The following FSTL1 variants were observed in gnomAD, a reference collection of about 807,000 sequenced individuals.
FSTL1 encodes follistatin-related protein 1.
A neutral mutation model predicts 45.9 loss-of-function variants in FSTL1; 24 were observed. The observed-to-expected ratio is 0.52, with a 90% CI of 0.38 to 0.74. The LOEUF (loss-of-function observed/expected upper bound fraction) is 0.74. Ranked by LOEUF, FSTL1 falls within the 30% of genes least tolerant of loss-of-function variation. The probability of loss-of-function intolerance (pLI) is 0.00; values close to 1 mark genes in which losing one functional copy is unlikely to be tolerated. For missense variants in FSTL1, 340 were observed against 381.8 expected (o/e 0.89, Z 0.91); for synonymous variants, 120 against 137.6 (o/e 0.87, Z 0.89).
chr3:120,403,467 TG>T, intron 7 of FSTL1, 113 bp from the exon 8 acceptor site: 2 of 656,300 alleles, frequency 3.0e-6, no homozygotes, highest in Non-Finnish European at 5.4e-6. Flanking sequence ...GCCAAGAAGA[TG>T]ACTGCTAACT....
At chr3:120,403,214 A>T in intron 8 of FSTL1, 28 bp downstream of exon 8, 1 of 1,228,692 alleles carries the variant, frequency 8.1e-7, no homozygotes, top group Non-Finnish European at 1.2e-6. Flanking sequence ...CATTCACTAC[A>T]GCTCTCTATT....
At chr3:120,450,084 C>CAG (rs1454733008) in intron 2 of FSTL1, among the ~76,000 whole-genome samples, 11 of 152,066 alleles carry the variant, frequency 7.2e-5, no homozygotes, top group Non-Finnish European at 1.5e-4. Flanking sequence ...CCCCAAAGAG[C>CAG]AGAGCAATGG....
chr3:120,411,944 C>T lies in FSTL1; in HGVS notation c.208G>A (p.Gly70Ser). ...PHKRPVCGSN[G>S]KTYLNHCELH... ...TCACAGTGGTTGAGGTAGGTCTTGC[C>T]ATTACTGCCACACACAGGCCTCTTG... is the stretch of plus-strand genomic sequence containing the variant. The change falls in exon 4 of 11, where the codon GGC (glycine) becomes AGC (serine). Residue 70 changes from glycine to serine, a missense_variant. By Grantham distance (56) the Gly-to-Ser change is moderately conservative. Transcript: ENST00000295633. 1 of 1,613,346 alleles carries T rather than the reference C, an allele frequency of 6.2e-7. No homozygotes were observed. The highest frequency in any genetic ancestry group is 1.3e-5 in the African/African-American group (1 of 75,044).
intron 7 of FSTL1, among the ~76,000 whole-genome samples, chr3:120,404,234 C>G (rs895972075): frequency 2.0e-5 from 3 of 152,144 alleles, no homozygotes; most frequent in Non-Finnish European, 4.4e-5. Context: ...AGAACCTATA[C>G]TTTAAGGTCA....
At chr3:120,412,961 C>G (rs1461586461) in intron 3 of FSTL1, among the ~76,000 whole-genome samples, 1 of 151,862 alleles carries the variant, frequency 6.6e-6, no homozygotes, top group African/African-American at 2.4e-5. Flanking sequence ...GATCTCAAGC[C>G]TTTGTTGTGA....
At chr3:120,436,547 A>C (rs960808795) in intron 2 of FSTL1, among the ~76,000 whole-genome samples, 5 of 152,358 alleles carry the variant, frequency 3.3e-5, no homozygotes, top group South Asian at 2.1e-4. Context: ...CATAAAGTGA[A>C]TGTCTTTCTC....
chr3:120,404,997 C>T lies in FSTL1; in HGVS notation c.463-26G>A, dbSNP rs764638612. 5 of 1,203,296 alleles carry T rather than the reference C, an allele frequency of 4.2e-6. No individual in the cohort carries two copies. The Middle Eastern group carries it at 7.6e-4, about 183-fold the overall frequency. 74.5% of individuals were successfully genotyped at this position (1,203,296 alleles called of 1,614,324 possible). A position where few individuals can be genotyped will look rare whatever the true frequency, so the allele number is the denominator to read the frequency against. On this transcript the variant is annotated intron_variant, in intron 6 of 10. Coordinates refer to ENST00000295633, the MANE Select transcript of FSTL1 (RefSeq NM_007085.5). ...CTAGAAAGGGCATGACAAGATCGTT[C>T]AGGGATGTTTTGCAGAACCCCTGTT...
At chr3:120,433,922 G>A (rs2107667670) in intron 2 of FSTL1, among the ~76,000 whole-genome samples, 1 of 152,286 alleles carries the variant, frequency 6.6e-6, no homozygotes, top group African/African-American at 2.4e-5. Context: ...AGCTGGCAAG[G>A]GGTAGAGCAT....
At chr3:120,403,652 G>A (rs1027185938) in intron 7 of FSTL1, among the ~76,000 whole-genome samples, 5 of 152,054 alleles carry the variant, frequency 3.3e-5, no homozygotes, top group African/African-American at 1.2e-4. Context: ...TTCACTGCCT[G>A]CATACCTTCC....
chr3:120,430,652 C>G (rs1937459706), intron 2 of FSTL1, among the ~76,000 whole-genome samples: 1 of 152,162 alleles, frequency 6.6e-6, no homozygotes, highest in African/African-American at 2.4e-5. Flanking sequence ...ACAAATTAAT[C>G]TGCATTTCCT....
chr3:120,412,843 C>G (rs1937098565), intron 3 of FSTL1, among the ~76,000 whole-genome samples: 1 of 128,472 alleles, frequency 7.8e-6, no homozygotes, highest in Non-Finnish European at 1.7e-5. Context: ...CGCGCGCACA[C>G]ACACACACAC....
chr3:120,409,560 T>G lies in FSTL1; in HGVS notation c.434A>C (p.Tyr145Ser). ...AAAATACTTGTCTAGGATTTCACTG[T>G]AGTTGCTGCCTTTAGAGAACCAGCC... is the stretch of plus-strand genomic sequence containing the variant. ...PDGWFSKGSN[Y>S]SEILDKYFKN... The change falls in exon 6 of 11, where the codon TAC (tyrosine) becomes TCC (serine). Residue 145 changes from tyrosine to serine, a missense_variant. Physicochemically the swap from Tyr to Ser is moderately radical, Grantham distance 144. Coordinates refer to ENST00000295633, the MANE Select transcript of FSTL1 (RefSeq NM_007085.5). 1 of 1,613,958 alleles carries G rather than the reference T, an allele frequency of 6.2e-7. No homozygotes were observed. Among genetic ancestry groups the G allele is most frequent in the Non-Finnish European group, 8.5e-7 (1 of 1,179,796 alleles).
chr3:120,412,077 A>G (rs1229534312), intron 3 of FSTL1, 94 bp from the exon 4 acceptor site: 10 of 1,113,012 alleles, frequency 9.0e-6, no homozygotes, highest in Admixed American at 2.0e-5. Context: ...ACACAGAGCC[A>G]TTTTGTAAGG....
Position 120,423,354 on chromosome 3 carries a change from T to G in FSTL1, c.64-7327A>C, listed in dbSNP as rs78356641. 393 of 151,786 alleles carry G rather than the reference T, an allele frequency of 2.6e-3. 4 individuals are homozygous for G. Among genetic ancestry groups the G allele is most frequent in the African/African-American group, 9.3e-3 (383 of 41,352 alleles). The allele number at this position is 151,786 out of a possible 1,614,324, so 9.4% of individuals were successfully genotyped here. A position where few individuals can be genotyped will look rare whatever the true frequency, so the allele number is the denominator to read the frequency against. On this transcript the variant is annotated intron_variant, in intron 2 of 10. Coordinates refer to ENST00000295633, the MANE Select transcript of FSTL1 (RefSeq NM_007085.5). ...AGACACAGCATAGCACACTAGATGC[T>G]TGGTTTCTATAGAATGATCGGTTCC... is the stretch of plus-strand genomic sequence containing the variant.
rs756506658 is a variant in FSTL1 at position 120,395,628 on chromosome 3, T to C, written c.*1324A>G. ...GCTGAGATCAAATCTGGTCATCTTG[T>C]TTTTGGCCATCTGACATTTCTTGTT... On this transcript the variant is annotated 3_prime_UTR_variant, in exon 11 of 11. Transcript: ENST00000295633. The C allele has an allele frequency of 1.9e-6, 1 of 530,276 alleles. No homozygotes were observed. The highest frequency in any genetic ancestry group is 3.9e-6 in the Non-Finnish European group (1 of 257,648). The allele number at this position is 530,276 out of a possible 1,614,324, so 32.8% of individuals were successfully genotyped here.
At chr3:120,416,588 A>G (rs1221860549) in intron 2 of FSTL1, among the ~76,000 whole-genome samples, 1 of 152,242 alleles carries the variant, frequency 6.6e-6, no homozygotes, top group Non-Finnish European at 1.5e-5. Context: ...GAAACATTGT[A>G]CAGAACTATG....
chr3:120,416,696 G>A (rs188687117), intron 2 of FSTL1, among the ~76,000 whole-genome samples: 1 of 152,176 alleles, frequency 6.6e-6, no homozygotes, highest in African/African-American at 2.4e-5. Context: ...ACGTGGATTC[G>A]CTATTTTTGC....
intron 3 of FSTL1, 47 bp from the exon 4 acceptor site, chr3:120,412,030 C>T (rs1271641142): frequency 3.4e-6 from 5 of 1,484,624 alleles, no homozygotes; most frequent in Non-Finnish European, 4.6e-6. Flanking sequence ...TGGATATCGA[C>T]ACACAGACAC....
Position 120,394,770 on chromosome 3 carries a change from T to C in FSTL1, c.*2182A>G, listed in dbSNP as rs1319355254. 1 of 152,208 alleles carries C rather than the reference T, an allele frequency of 6.6e-6. No homozygotes were observed. The highest frequency in any genetic ancestry group is 2.4e-5 in the African/African-American group (1 of 41,452). 9.4% of individuals were successfully genotyped at this position (152,208 alleles called of 1,614,324 possible). A position where few individuals can be genotyped will look rare whatever the true frequency, so the allele number is the denominator to read the frequency against. Reference sequence around the variant, plus strand: ...GCAGCTTCCATGAATGGTCCTCAGATCATGTGATTCTACGGCATAGACGAC... The same window carrying C: ...GCAGCTTCCATGAATGGTCCTCAGACCATGTGATTCTACGGCATAGACGAC... On this transcript the variant is annotated 3_prime_UTR_variant, in exon 11 of 11. Transcript: ENST00000295633.
Sources: allele counts gnomAD v4.1 joint callset (sites outside exome capture counted in the v4.1 genomes callset), GRCh38; gene constraint gnomAD v4.1.1; transcripts MANE v1.5; gene names NCBI Gene and HGNC (gene_info 2026-07-23, HGNC 2026-07-21).